MMP19: variants seen among roughly 807,000 people sequenced by gnomAD.
MMP19 encodes matrix metallopeptidase 19.
MMP19 carries 47 observed loss-of-function variants against 46.6 expected under a neutral mutation model. That is an observed-to-expected ratio of 1.01 (90% CI 0.80 to 1.29). The LOEUF (loss-of-function observed/expected upper bound fraction) is 1.29. Among genes scored for constraint, MMP19 ranks in the 50% most tolerant of loss-of-function variants. The pLI is 0.00. For synonymous variants in MMP19, 222 were observed against 248.5 expected (o/e 0.89, Z 1.00); for missense variants, 589 against 643.5 (o/e 0.92, Z 0.92).
At chr12:55,841,485 G>T in intron 2 of MMP19, 1 of 430,468 alleles carries the variant, frequency 2.3e-6, no homozygotes, top group Non-Finnish European at 4.3e-6. Context: ...TTGCCCTCAG[G>T]TGTAGCCTTC....
Position 55,842,452 on chromosome 12 carries a change from G to C in MMP19, c.88-14C>G. On this transcript the variant is annotated splice_polypyrimidine_tract_variant and intron_variant, in intron 1 of 8. Coordinates refer to ENST00000322569, the MANE Select transcript of MMP19 (RefSeq NM_002429.6). ...TGACAGGTAGTCCTATGATGGGAGT[G>C]GAGGTAAGCAGGTTAAAAGGGGGTT... 6.3e-7 allele frequency: 1 copy of C among 1,590,520 alleles called. No homozygotes were observed. Among genetic ancestry groups the C allele is most frequent in the African/African-American group, 1.3e-5 (1 of 74,512 alleles).
Position 55,839,527 on chromosome 12 carries a change from T to C in MMP19, c.735A>G (p.Pro245=). 6.2e-7 allele frequency: 1 copy of C among 1,612,314 alleles called. No homozygotes were observed. Among genetic ancestry groups the C allele is most frequent in the African/African-American group, 1.3e-5 (1 of 75,020 alleles). ...GAGCCTGGATCCCTGCCACATCATC[T>C]GGGTGCAGCTTAAAGTGGGGCCGGT... ...EGYRPHFKLH[P]DDVAGIQALY... is the part of the protein sequence containing the mutation. Residue 245 remains proline (P), a synonymous_variant, in exon 5 of 9, where the codon CCA becomes CCG. Transcript: ENST00000322569.
At position 55,838,716 on chromosome 12, in the gene MMP19, A is replaced by G. The variant is rs1327770076; in HGVS notation, c.785T>C (p.Ile262Thr). Residue 262 changes from isoleucine (I) to threonine (T), a missense_variant, in exon 6 of 9, where the codon ATA becomes ACA. Physicochemically the swap from Ile to Thr is moderately conservative, Grantham distance 89. Coordinates refer to ENST00000322569, the MANE Select transcript of MMP19 (RefSeq NM_002429.6). ...TGTCTCTTCTTCTTCCTCATCCCTT[A>G]TCACTGGACTCTTCTTGCCTATAAG... ...QALYGKKSPV[I>T]RDEEEEETEL... 2 of 1,601,788 alleles carry G rather than the reference A, an allele frequency of 1.2e-6. No homozygotes were observed. Among genetic ancestry groups the G allele is most frequent in the Non-Finnish European group, 1.7e-6 (2 of 1,172,934 alleles).
At chr12:55,840,637 A>G (rs1881615088) in intron 4 of MMP19, 30 bp downstream of exon 4, 2 of 1,593,768 alleles carry the variant, frequency 1.3e-6, no homozygotes, top group Non-Finnish European at 1.7e-6. Context: ...TCAGAGGTCT[A>G]TGAGGTGGGA....
At chr12:55,839,866 T>C in intron 4 of MMP19, 125 bp from the exon 5 acceptor site, 1 of 1,277,620 alleles carries the variant, frequency 7.8e-7, no homozygotes, top group South Asian at 1.5e-5. Flanking sequence ...CACTGTCTCT[T>C]GGATGCTTCT....
chr12:55,839,473 C>A (rs1881511759), intron 5 of MMP19, 23 bp downstream of exon 5: 1 of 1,583,446 alleles, frequency 6.3e-7, no homozygotes, highest in Admixed American at 1.7e-5. Context: ...TGACCCTCCC[C>A]CTCACTAGGG....
chr12:55,839,513 C>T lies in MMP19; in HGVS notation c.749G>A (p.Gly250Glu), dbSNP rs770429321. The T allele has an allele frequency of 2.0e-5, 32 of 1,610,408 alleles. No homozygotes were observed. Among genetic ancestry groups the T allele is most frequent in the Non-Finnish European group, 2.7e-5 (32 of 1,177,130 alleles). Reference sequence around the variant, plus strand: ...GGACTGACCATAGAGAGCCTGGATCCCTGCCACATCATCTGGGTGCAGCTT... The same window carrying T: ...GGACTGACCATAGAGAGCCTGGATCTCTGCCACATCATCTGGGTGCAGCTT... ...HFKLHPDDVA[G>E]IQALYGKKSP... Residue 250 changes from glycine to glutamate, a missense_variant, in exon 5 of 9, where the codon GGG (glycine) becomes GAG (glutamate). Coordinates refer to ENST00000322569, the MANE Select transcript of MMP19 (RefSeq NM_002429.6).
At chr12:55,841,907 C>T (rs530936463) in intron 2 of MMP19, among the ~76,000 whole-genome samples, 1 of 152,254 alleles carries the variant, frequency 6.6e-6, no homozygotes, top group Admixed American at 6.5e-5. Flanking sequence ...TGTCATAGGG[C>T]CTAGGGGCTT....
chr12:55,840,632 G>A, intron 4 of MMP19, 35 bp downstream of exon 4: 2 of 1,584,692 alleles, frequency 1.3e-6, no homozygotes, highest in South Asian at 1.1e-5. Context: ...TAATCTCAGA[G>A]GTCTATGAGG....
intron 2 of MMP19, chr12:55,841,499 C>T (rs1165367904): frequency 2.5e-6 from 1 of 397,028 alleles, no homozygotes; most frequent in South Asian, 4.9e-5. Context: ...AGCCTTCCTC[C>T]TCTACTGCAA....
rs1325240917 is a variant in MMP19, at chr12:55,835,970, GC to G, written c.*1065del. 6.6e-6 allele frequency: 1 copy of G among 152,268 alleles called. No homozygotes were observed. Among genetic ancestry groups the G allele is most frequent in the Non-Finnish European group, 1.5e-5 (1 of 68,096 alleles). The allele number at this position is 152,268 out of a possible 1,614,324, so 9.4% of individuals were successfully genotyped here. A position where few individuals can be genotyped will look rare whatever the true frequency, so the allele number is the denominator to read the frequency against. On this transcript the variant is annotated 3_prime_UTR_variant, in exon 9 of 9. Coordinates refer to ENST00000322569, the MANE Select transcript of MMP19 (RefSeq NM_002429.6). ...GCATTGACCCACCTGCCAGAGTCTT[GC>G]CTTTTGCCCAAAGGAGCCTGGTCTT...
chr12:55,836,998 A>G lies in MMP19; in HGVS notation c.*38T>C, dbSNP rs1489756432. Reference sequence around the variant, plus strand: ...ATGAAAGGGTGGGTGGTGGAGCCTCAGGGGTTAATGTCCAAGATTGTGTCT... The same window carrying G: ...ATGAAAGGGTGGGTGGTGGAGCCTCGGGGGTTAATGTCCAAGATTGTGTCT... On this transcript the variant is annotated 3_prime_UTR_variant, in exon 9 of 9. Transcript: ENST00000322569. 3 of 1,506,846 alleles carry G rather than the reference A, an allele frequency of 2.0e-6. No homozygotes were observed. Among genetic ancestry groups the G allele is most frequent in the Non-Finnish European group, 2.7e-6 (3 of 1,119,640 alleles). 93.3% of individuals were successfully genotyped at this position (1,506,846 alleles called of 1,614,324 possible). A position where few individuals can be genotyped will look rare whatever the true frequency, so the allele number is the denominator to read the frequency against.
rs768762436 is a variant in MMP19, at chr12:55,837,276, G to A, written c.1287C>T (p.Pro429=). 1.3e-5 allele frequency: 21 copies of A among 1,614,086 alleles called. No homozygotes were observed. Among genetic ancestry groups the A allele is most frequent in the Admixed American group, 1.0e-4 (6 of 60,004 alleles). The change falls in exon 9 of 9, where the codon CCC becomes CCT. Residue 429 remains proline, a synonymous_variant. Coordinates refer to ENST00000322569, the MANE Select transcript of MMP19 (RefSeq NM_002429.6). ...CATCTTGCCAACTCATAGCAGCCGAGGGCTGGTTTGGCACTCCCGTAAACA... is the reference window on the plus strand; with the variant it reads ...CATCTTGCCAACTCATAGCAGCCGAAGGCTGGTTTGGCACTCCCGTAAACA... ...KGLFTGVPNQ[P]SAAMSWQDGR...
intron 2 of MMP19, among the ~76,000 whole-genome samples, chr12:55,841,990 T>C (rs1352701934): frequency 6.6e-6 from 1 of 152,028 alleles, no homozygotes; most frequent in African/African-American, 2.4e-5. Context: ...AACTATAAAA[T>C]AGAAATAAAT....
intron 2 of MMP19, 173 bp from the exon 3 acceptor site, chr12:55,841,409 GT>G (rs1458275149): frequency 3.1e-6 from 2 of 635,752 alleles, no homozygotes; most frequent in Non-Finnish European, 5.3e-6. Context: ...TTTCTCTTCT[GT>G]TCTGCAGAAA....
Position 55,839,478 on chromosome 12 carries a change from C to T in MMP19, c.766+18G>A, listed in dbSNP as rs1881512505. 1.9e-6 allele frequency: 3 copies of T among 1,589,062 alleles called. No individual in the cohort carries two copies. In the African/African-American group the frequency reaches 4.0e-5, roughly 21 times the overall value. On this transcript the variant is annotated intron_variant, in intron 5 of 8. Coordinates refer to ENST00000322569, the MANE Select transcript of MMP19 (RefSeq NM_002429.6). ...GGAGTCAGACTGACCCTCCCCCTCA[C>T]TAGGGGGAGGGACTGACCATAGAGA...
chr12:55,838,404 G>T lies in MMP19; in HGVS notation c.895+202C>A, dbSNP rs138165328. The T allele has an allele frequency of 3.8e-5, 46 of 1,222,302 alleles. No homozygotes were observed. In the African/African-American group the frequency reaches 6.3e-4, roughly 17 times the overall value. 75.7% of individuals were successfully genotyped at this position (1,222,302 alleles called of 1,614,324 possible). On this transcript the variant is annotated intron_variant, in intron 6 of 8. Transcript: ENST00000322569. Reference sequence around the variant, plus strand: ...TGGCCCTTAGAGCGTGGCAGCCTTGGTAAGTGCCTGCCTAAGCCACCTTTA... The same window carrying T: ...TGGCCCTTAGAGCGTGGCAGCCTTGTTAAGTGCCTGCCTAAGCCACCTTTA...
Position 55,838,639 on chromosome 12 carries a change from G to T in MMP19, c.862C>A (p.Pro288Thr), listed in dbSNP as rs1170223966. Residue 288 changes from proline to threonine, a missense_variant, in exon 6 of 9, where the codon CCT becomes ACT. Coordinates refer to ENST00000322569, the MANE Select transcript of MMP19 (RefSeq NM_002429.6). ...VPTEPSPMPD[P>T]CSSELDAMML... is the part of the protein sequence containing the mutation. ...ATGGCATCCAGTTCACTACTGCAAG[G>T]GTCTGGCATGGGACTGGGTTCTGTG... The T allele has an allele frequency of 6.2e-7, 1 of 1,614,024 alleles. No individual in the cohort carries two copies. Among genetic ancestry groups the T allele is most frequent in the East Asian group, 2.2e-5 (1 of 44,902 alleles).
At position 55,839,605 on chromosome 12, in the gene MMP19, C is replaced by T. The variant is rs773565755; in HGVS notation, c.657G>A (p.Gly219=). 1 of 1,614,206 alleles carries T rather than the reference C, an allele frequency of 6.2e-7. No homozygotes were observed. Among genetic ancestry groups the T allele is most frequent in the Non-Finnish European group, 8.5e-7 (1 of 1,180,038 alleles). The change falls in exon 5 of 9, where the codon GGG becomes GGA. Residue 219 remains glycine, a synonymous_variant. Transcript: ENST00000322569. ...CCTGGGAATATCGGGAGTGCCCAAG[C>T]CCCAGAGCATGGCCCACTTCATGGG... ...IAAHEVGHAL[G]LGHSRYSQAL...
Sources: allele counts gnomAD v4.1 joint callset (sites outside exome capture counted in the v4.1 genomes callset), GRCh38; gene constraint gnomAD v4.1.1; transcripts MANE v1.5; gene names NCBI Gene and HGNC (gene_info 2026-07-23, HGNC 2026-07-21).